SLC2A13: variants seen among roughly 807,000 people sequenced by gnomAD.
SLC2A13 encodes solute carrier family 2 member 13.
SLC2A13 carries 32 observed loss-of-function variants against 64.4 expected under a neutral mutation model. The observed-to-expected ratio is 0.50, with a 90% confidence interval of 0.37 to 0.67. The LOEUF is 0.67. SLC2A13 is among the 30% of genes least tolerant of loss of function. The probability of loss-of-function intolerance (pLI) is 0.00; values close to 1 mark genes in which losing one functional copy is unlikely to be tolerated. For missense variants in SLC2A13, 743 were observed against 829.2 expected, an observed-to-expected ratio of 0.90 and a Z score of 1.28; for synonymous variants, 338 against 327.1, an observed-to-expected ratio of 1.03 and a Z score of -0.36.
chr12:39,793,765 A>G (rs1237583110), intron 7 of SLC2A13, among the ~76,000 whole-genome samples: 1 of 152,118 alleles, frequency 6.6e-6, no homozygotes, highest in Non-Finnish European at 1.5e-5. Flanking sequence ...CTTCATAGGA[A>G]TCCCTCCCAT....
At chr12:39,947,866 T>TA (rs1487352191) in intron 4 of SLC2A13, among the ~76,000 whole-genome samples, 1 of 152,062 alleles carries the variant, frequency 6.6e-6, no homozygotes, top group African/African-American at 2.4e-5. Context: ...TTCACTGTGT[T>TA]AGCCAGGATG....
At chr12:39,814,779 A>G (rs1942292505) in intron 7 of SLC2A13, among the ~76,000 whole-genome samples, 1 of 151,994 alleles carries the variant, frequency 6.6e-6, no homozygotes, top group Non-Finnish European at 1.5e-5. Context: ...TTTGCCAATT[A>G]TGCATATGTC....
At chr12:39,821,888 T>C (rs1942522969) in intron 7 of SLC2A13, among the ~76,000 whole-genome samples, 1 of 152,146 alleles carries the variant, frequency 6.6e-6, no homozygotes, top group Non-Finnish European at 1.5e-5. Context: ...TAGAAGATAG[T>C]TGAATAAAAA....
chr12:39,896,142 C>A (rs114686347), intron 4 of SLC2A13, among the ~76,000 whole-genome samples: 1 of 141,134 alleles, frequency 7.1e-6, no homozygotes, highest in African/African-American at 2.7e-5. Context: ...ACACGTGTAC[C>A]TATATATGTA....
intron 9 of SLC2A13, among the ~76,000 whole-genome samples, chr12:39,763,042 C>T (rs7311368): frequency 0.016 from 2,391 of 151,962 alleles, 58 homozygotes; most frequent in African/African-American, 0.052. Context: ...TCTCAGGATG[C>T]GAGCATATAC....
intron 3 of SLC2A13, among the ~76,000 whole-genome samples, chr12:40,004,612 A>ATT (rs34482120): frequency 0.025 from 3,668 of 145,018 alleles, 138 homozygotes; most frequent in African/African-American, 0.084. Flanking sequence ...TAAAGGACAG[A>ATT]TTTTTTTTTT....
intron 4 of SLC2A13, among the ~76,000 whole-genome samples, chr12:39,906,530 G>A (rs899803961): frequency 3.3e-5 from 5 of 152,036 alleles, no homozygotes; most frequent in Non-Finnish European, 7.4e-5. Flanking sequence ...GTTTCAACTT[G>A]AAAGAAACAG....
At position 39,944,207 on chromosome 12, in the gene SLC2A13, G is replaced by A. The variant is rs116411410; in HGVS notation, c.1034+7050C>T. On this transcript the variant is annotated intron_variant, in intron 4 of 9. Coordinates refer to ENST00000280871, the MANE Select transcript of SLC2A13 (RefSeq NM_052885.4). ...TTTTATTCCACTGTGATTTGAAAGAGTGCTTAATATAATTTTAATTTTCTT... is the reference window on the plus strand; with the variant it reads ...TTTTATTCCACTGTGATTTGAAAGAATGCTTAATATAATTTTAATTTTCTT... Among the ~76,000 whole-genome samples, 714 of 152,294 alleles carry A rather than the reference G, an allele frequency of 4.7e-3. 3 individuals are homozygous for A. Among genetic ancestry groups the A allele is most frequent in the African/African-American group, 0.016 (683 of 41,542 alleles).
At chr12:39,942,047 C>T (rs72644818) in intron 4 of SLC2A13, among the ~76,000 whole-genome samples, 9,514 of 152,224 alleles carry the variant, frequency 0.062, 464 homozygotes, top group East Asian at 0.27. Flanking sequence ...TCTGGGTTCT[C>T]TATTCTGTTC....
At chr12:40,021,295 A>G (rs1188430852) in intron 3 of SLC2A13, among the ~76,000 whole-genome samples, 2 of 152,232 alleles carry the variant, frequency 1.3e-5, no homozygotes, top group African/African-American at 2.4e-5. Context: ...AAAATCCAAG[A>G]ATGATTCCAA....
intron 3 of SLC2A13, among the ~76,000 whole-genome samples, chr12:39,996,505 C>T (rs1317375787): frequency 1.3e-5 from 2 of 152,200 alleles, no homozygotes; most frequent in African/African-American, 4.8e-5. Flanking sequence ...GAAAATGTCT[C>T]CAGAGCATGT....
At chr12:40,005,146 AG>A (rs1457660776) in intron 3 of SLC2A13, among the ~76,000 whole-genome samples, 1 of 152,216 alleles carries the variant, frequency 6.6e-6, no homozygotes, top group Non-Finnish European at 1.5e-5. Context: ...AAGAGAAATT[AG>A]GGGTGAAAAC....
chr12:39,905,299 C>T (rs1480179981), intron 4 of SLC2A13, among the ~76,000 whole-genome samples: 1 of 152,086 alleles, frequency 6.6e-6, no homozygotes, highest in African/African-American at 2.4e-5. Flanking sequence ...GGCTGCTCTC[C>T]ACAGATCCCA....
At chr12:39,976,517 A>G (rs182202284) in intron 3 of SLC2A13, among the ~76,000 whole-genome samples, 5 of 152,296 alleles carry the variant, frequency 3.3e-5, no homozygotes, top group Admixed American at 2.6e-4. Context: ...CATTAATGTT[A>G]CCTCTGGTAT....
chr12:39,889,529 C>CTTTTTT (rs56189217), intron 4 of SLC2A13, among the ~76,000 whole-genome samples: 2 of 119,866 alleles, frequency 1.7e-5, no homozygotes, highest in Non-Finnish European at 3.5e-5. Context: ...GGTAAACAAC[C>CTTTTTT]TTTTTTTTTT....
At chr12:40,100,703 C>A (rs556125819) in intron 1 of SLC2A13, among the ~76,000 whole-genome samples, 1 of 152,170 alleles carries the variant, frequency 6.6e-6, no homozygotes, top group Admixed American at 6.5e-5. Context: ...GTGGCTCACA[C>A]CTGTAATCCC....
chr12:40,020,328 T>A (rs997804420), intron 3 of SLC2A13, among the ~76,000 whole-genome samples: 2 of 152,130 alleles, frequency 1.3e-5, no homozygotes, highest in Admixed American at 6.5e-5. Context: ...TGGAGGCAGT[T>A]CCCTCAGGCT....
rs560521949 is a variant in SLC2A13, at chr12:39,778,228, G to C, written c.1446-13370C>G. 1.2e-3 allele frequency among the ~76,000 whole-genome samples: 176 copies of C among 152,246 alleles called. 1 individual carries two copies. Among genetic ancestry groups the C allele is most frequent in the African/African-American group, 4.2e-3 (173 of 41,524 alleles). ...ATCCAACGTACTCATTTTATAGAGGGCACAAATCAAGTCCAGTGAGGCTGA... is the reference window on the plus strand; with the variant it reads ...ATCCAACGTACTCATTTTATAGAGGCCACAAATCAAGTCCAGTGAGGCTGA... On this transcript the variant is annotated intron_variant, in intron 7 of 9. Coordinates refer to ENST00000280871, the MANE Select transcript of SLC2A13 (RefSeq NM_052885.4).
intron 3 of SLC2A13, among the ~76,000 whole-genome samples, chr12:39,953,639 TCA>T: frequency 6.6e-6 from 1 of 152,348 alleles, no homozygotes; most frequent in East Asian, 1.9e-4. Flanking sequence ...TACAAACATT[TCA>T]CATTTAATTT....
Sources: gnomAD v4.1 joint callset for allele counts (sites outside exome capture counted in the v4.1 genomes callset) on GRCh38, gnomAD v4.1.1 for gene constraint, MANE v1.5 for transcripts, NCBI Gene and HGNC (gene_info 2026-07-23, HGNC 2026-07-21) for gene names.